The following SCCPDH variants were observed in gnomAD, a reference collection of about 807,000 sequenced individuals.
SCCPDH encodes saccharopine dehydrogenase-like oxidoreductase.
Under a neutral mutation model 51.5 loss-of-function variants are expected in SCCPDH, and 34 were observed. The observed-to-expected ratio is 0.66, with a 90% confidence interval of 0.50 to 0.88. SCCPDH has a LOEUF of 0.88. SCCPDH is among the 40% of genes least tolerant of loss of function. SCCPDH has a pLI of 0.00. For missense variants in SCCPDH, 464 were observed against 527.1 expected, an observed-to-expected ratio of 0.88 and a Z score of 1.17; for synonymous variants, 187 against 191.3, an observed-to-expected ratio of 0.98 and a Z score of 0.19.
At chr1:246,750,421 AG>A (rs549432614) in intron 5 of SCCPDH, among the ~76,000 whole-genome samples, 159 of 152,274 alleles carry the variant, frequency 1.0e-3, no homozygotes, top group African/African-American at 3.7e-3. Flanking sequence ...CATCTTTCCG[AG>A]GGGCAGTTCA....
chr1:246,726,348 C>T (rs975535170), intron 1 of SCCPDH, among the ~76,000 whole-genome samples: 30 of 144,060 alleles, frequency 2.1e-4, no homozygotes, highest in African/African-American at 6.5e-4. Flanking sequence ...GTGATTCTAC[C>T]GCCTCAGCCT....
intron 2 of SCCPDH, among the ~76,000 whole-genome samples, chr1:246,729,045 G>T (rs1354089861): frequency 1.3e-5 from 2 of 152,182 alleles, no homozygotes; most frequent in Non-Finnish European, 2.9e-5. Context: ...TGCAAAACCA[G>T]CAAGTTTTTA....
At chr1:246,737,471 GACCCTGTCTCCAAAAAACAAAA>G (rs1668612105) in intron 3 of SCCPDH, among the ~76,000 whole-genome samples, 1 of 152,016 alleles carries the variant, frequency 6.6e-6, no homozygotes, top group Admixed American at 6.6e-5. Context: ...AACATAGTGA[GACCCTGTCTCCAAAAAACAAAA>G]ACAAAAAACA....
rs1191192593 is a variant in SCCPDH at position 246,724,438 on chromosome 1, A to T, written c.16A>T (p.Arg6Trp). The change falls in exon 1 of 12, where the codon AGG becomes TGG. Residue 6 changes from arginine to tryptophan, a missense_variant. Arg to Trp is a moderately radical substitution (Grantham distance 101). Coordinates refer to ENST00000366510, the MANE Select transcript of SCCPDH (RefSeq NM_016002.3). The part of the protein sequence containing the change: MATEQ[R>W]PFHLVVFGAS... ...TGGACTCGTCATGGCGACCGAGCAG[A>T]GGCCTTTCCACCTGGTGGTGTTCGG... 1.9e-6 allele frequency: 3 copies of T among 1,582,150 alleles called. No homozygotes were observed. The highest frequency in any genetic ancestry group is 2.6e-6 in the Non-Finnish European group (3 of 1,167,398).
intron 1 of SCCPDH, 66 bp downstream of exon 1, chr1:246,724,678 C>T (rs1572290170): frequency 1.5e-6 from 2 of 1,357,088 alleles, no homozygotes; most frequent in Non-Finnish European, 1.9e-6. Flanking sequence ...TCGCCCCAAA[C>T]GAGCGTTTCT....
chr1:246,745,914 C>G (rs1459508686), intron 5 of SCCPDH, among the ~76,000 whole-genome samples: 10 of 151,880 alleles, frequency 6.6e-5, no homozygotes, highest in Non-Finnish European at 1.3e-4. Context: ...CGAGACCATC[C>G]TGGCTAACAC....
intron 4 of SCCPDH, among the ~76,000 whole-genome samples, chr1:246,740,864 C>T (rs576179914): frequency 2.0e-4 from 31 of 152,116 alleles, no homozygotes; most frequent in African/African-American, 3.1e-4. Flanking sequence ...CAGGATCTCT[C>T]GAGGCCAAGA....
chr1:246,735,907 T>A, intron 2 of SCCPDH, 68 bp from the exon 3 acceptor site: 1 of 980,422 alleles, frequency 1.0e-6, no homozygotes, highest in Non-Finnish European at 1.6e-6. Context: ...CTTCCAGGAT[T>A]AGATGGCATT....
chr1:246,747,292 C>T (rs1668775685), intron 5 of SCCPDH, among the ~76,000 whole-genome samples: 2 of 152,188 alleles, frequency 1.3e-5, no homozygotes, highest in Non-Finnish European at 2.9e-5. Context: ...ATATGTCAAA[C>T]AATAGAGAAG....
Position 246,740,246 on chromosome 1 carries a change from C to T in SCCPDH, c.459C>T (p.Gly153=). ...GGGTTTATATCATTGGAAGCAGCGG[C>T]TTTGACTCCATTCCAGCAGATCTGG... ...DKGVYIIGSS[G]FDSIPADLGV... is the part of the protein sequence containing the mutation. The change falls in exon 4 of 12, where the codon GGC becomes GGT. Residue 153 remains glycine, a synonymous_variant. Transcript: ENST00000366510. The T allele has an allele frequency of 6.2e-7, 1 of 1,610,832 alleles. No homozygotes were observed. Among genetic ancestry groups the T allele is most frequent in the Non-Finnish European group, 8.5e-7 (1 of 1,177,576 alleles).
chr1:246,733,550 T>G (rs1300724282), intron 2 of SCCPDH, among the ~76,000 whole-genome samples: 2 of 151,516 alleles, frequency 1.3e-5, no homozygotes, highest in Non-Finnish European at 2.9e-5. Context: ...AAAGCGATCC[T>G]TCTGCCTCAG....
At chr1:246,756,363 G>A (rs1443064134) in intron 5 of SCCPDH, among the ~76,000 whole-genome samples, 1 of 152,160 alleles carries the variant, frequency 6.6e-6, no homozygotes, top group African/African-American at 2.4e-5. Flanking sequence ...CGGAAGGAGG[G>A]CCTTCTTAGT....
In SCCPDH at chr1:246,744,787, G is replaced by GT. The variant is rs1220312777; in HGVS notation, c.564+673dup. 7.1e-3 allele frequency among the ~76,000 whole-genome samples: 1,016 copies of GT among 143,658 alleles called. 11 individuals are homozygous for GT. The highest frequency in any genetic ancestry group is 0.022 in the African/African-American group (863 of 39,392). 94.2% of individuals were successfully genotyped at this position (143,658 alleles called of 152,430 possible). ...GTGCCGCCACACCTGGCTAATTTTT[G>GT]TTTTTTTTTTTCTTTTTCAGTAGAG... On this transcript the variant is annotated intron_variant, in intron 5 of 11. Coordinates refer to ENST00000366510, the MANE Select transcript of SCCPDH (RefSeq NM_016002.3).
chr1:246,732,895 G>T (rs962129229), intron 2 of SCCPDH, among the ~76,000 whole-genome samples: 3 of 152,134 alleles, frequency 2.0e-5, no homozygotes, highest in African/African-American at 7.2e-5. Context: ...AAAGTGACTT[G>T]CCCAGGGTCA....
At position 246,740,250 on chromosome 1, in the gene SCCPDH, G is replaced by T. The variant is rs76901604; in HGVS notation, c.463G>T (p.Asp155Tyr). 6.2e-7 allele frequency: 1 copy of T among 1,610,924 alleles called. No homozygotes were observed. Residue 155 changes from aspartate to tyrosine, a missense_variant, in exon 4 of 12, where the codon GAC becomes TAC. By Grantham distance (160) the Asp-to-Tyr change is radical. Transcript: ENST00000366510. ...TTATATCATTGGAAGCAGCGGCTTT[G>T]ACTCCATTCCAGCAGATCTGGGAGT... ...GVYIIGSSGF[D>Y]SIPADLGVIY...
rs753366557 is a variant in SCCPDH at position 246,727,004 on chromosome 1, A to T, written c.303A>T (p.Pro101=). The T allele has an allele frequency of 6.3e-7, 1 of 1,588,210 alleles. No individual in the cohort carries two copies. The highest frequency in any genetic ancestry group is 1.1e-5 in the South Asian group (1 of 90,542). ...CAGTTGTCCTCAATTGCGTAGGACC[A>T]GTAAGTAATCAACCCTTCTTTGTAT... is the stretch of plus-strand genomic sequence containing the variant. ...QATVVLNCVG[P]YRFYGEPVIK... is the part of the protein sequence containing the mutation. The change falls in exon 2 of 12, where the codon CCA becomes CCT. Residue 101 remains proline (P), a splice_region_variant and synonymous_variant. Coordinates refer to ENST00000366510, the MANE Select transcript of SCCPDH (RefSeq NM_016002.3).
intron 9 of SCCPDH, among the ~76,000 whole-genome samples, chr1:246,760,619 C>G (rs949196540): frequency 4.6e-5 from 7 of 152,148 alleles, no homozygotes; most frequent in Non-Finnish European, 8.8e-5. Flanking sequence ...CTTCCTCTTC[C>G]ACATACCCTG....
intron 10 of SCCPDH, 36 bp from the exon 11 acceptor site, chr1:246,766,022 T>C: frequency 7.1e-7 from 1 of 1,404,920 alleles, no homozygotes; most frequent in South Asian, 1.2e-5. Flanking sequence ...TACTTCATGA[T>C]TCCTTTCTTT....
At chr1:246,762,708 G>A (rs921434770) in intron 9 of SCCPDH, among the ~76,000 whole-genome samples, 1 of 152,026 alleles carries the variant, frequency 6.6e-6, no homozygotes, top group Non-Finnish European at 1.5e-5. Context: ...GGACATGGTG[G>A]TGCACGCCTG....
Sources: allele counts gnomAD v4.1 joint callset (sites outside exome capture counted in the v4.1 genomes callset), GRCh38; gene constraint gnomAD v4.1.1; transcripts MANE v1.5; gene names NCBI Gene and HGNC (gene_info 2026-07-23, HGNC 2026-07-21).